MYO3B: variants seen among roughly 807,000 people sequenced by gnomAD.
The protein encoded by MYO3B is myosin-IIIb.
A neutral mutation model predicts 174.6 loss-of-function variants in MYO3B; 156 were observed. The observed-to-expected ratio is 0.89, with a 90% CI of 0.78 to 1.02. MYO3B has a LOEUF of 1.02. Among genes scored for constraint, MYO3B ranks in the 50% least tolerant of loss-of-function variants. MYO3B has a pLI of 0.00. For synonymous variants in MYO3B, 563 were observed against 569.1 expected, an observed-to-expected ratio of 0.99 and a Z score of 0.15; for missense variants, 1,632 against 1,639.4, an observed-to-expected ratio of 1.00 and a Z score of 0.08.
intron 22 of MYO3B, among the ~76,000 whole-genome samples, chr2:170,421,762 T>A (rs1274189667): frequency 6.6e-6 from 1 of 152,202 alleles, no homozygotes; most frequent in African/African-American, 2.4e-5. Flanking sequence ...TTGTAAAGCT[T>A]ATTGAGGGGA....
chr2:170,202,072 T>C lies in MYO3B; in HGVS notation c.321+1788T>C, dbSNP rs367968610. Reference sequence around the variant, plus strand: ...AATGAACATCCTTCCTGATGAGGAGTGACCCTCAGACATGGCAACTCAGGT... The same window carrying C: ...AATGAACATCCTTCCTGATGAGGAGCGACCCTCAGACATGGCAACTCAGGT... On this transcript the variant is annotated intron_variant, in intron 3 of 34. Transcript: ENST00000408978. Among the ~76,000 whole-genome samples, 79 of 151,880 alleles carry C rather than the reference T, an allele frequency of 5.2e-4. 1 individual carries two copies. In the South Asian group the frequency reaches 7.1e-3, roughly 14 times the overall value.
intron 32 of MYO3B, among the ~76,000 whole-genome samples, chr2:170,630,121 G>T (rs1472655333): frequency 6.6e-6 from 1 of 152,234 alleles, no homozygotes. Flanking sequence ...CACCTGAGAA[G>T]CACAAGGGAT....
chr2:170,441,307 T>C (rs1162476015), intron 22 of MYO3B, among the ~76,000 whole-genome samples: 1 of 152,218 alleles, frequency 6.6e-6, no homozygotes, highest in Non-Finnish European at 1.5e-5. Flanking sequence ...TACTATAATA[T>C]TTTGAATGGA....
At position 170,379,340 on chromosome 2, in the gene MYO3B, G is replaced by A. The variant is rs191631816; in HGVS notation, c.972-2676G>A. Among the ~76,000 whole-genome samples the A allele has an allele frequency of 3.8e-3, 573 of 152,060 alleles. 6 individuals carry two copies. Among genetic ancestry groups the A allele is most frequent in the African/African-American group, 0.013 (527 of 41,480 alleles). ...CTCCTGAGTAGCTGGGGCTACAGGC[G>A]TGCACCACCACGCCTAGCTAATTTT... On this transcript the variant is annotated intron_variant, in intron 9 of 34. Coordinates refer to ENST00000408978, the MANE Select transcript of MYO3B (RefSeq NM_138995.5).
rs549802795 is a variant in MYO3B, at chr2:170,391,016, A to C, written c.1578-504A>C. ...AAAGAGGTGGATGGCAGGAGACCAG[A>C]CTAATGAATGACATTTTGAGTAGTA... On this transcript the variant is annotated intron_variant, in intron 14 of 34. Coordinates refer to ENST00000408978, the MANE Select transcript of MYO3B (RefSeq NM_138995.5). Among the ~76,000 whole-genome samples the C allele has an allele frequency of 2.6e-5, 4 of 152,240 alleles. No homozygotes were observed. In the South Asian group the frequency reaches 6.2e-4, roughly 24 times the overall value.
At chr2:170,345,907 A>T (rs2094012129) in intron 8 of MYO3B, among the ~76,000 whole-genome samples, 1 of 151,778 alleles carries the variant, frequency 6.6e-6, no homozygotes, top group Non-Finnish European at 1.5e-5. Flanking sequence ...TAGGAGAGGG[A>T]CCTGGAACAG....
At chr2:170,622,144 C>G (rs1240050283) in intron 32 of MYO3B, among the ~76,000 whole-genome samples, 1 of 152,152 alleles carries the variant, frequency 6.6e-6, no homozygotes, top group Non-Finnish European at 1.5e-5. Context: ...GAAAAATGCT[C>G]AAGTTTCAAC....
At chr2:170,417,626 C>G (rs1422270350) in intron 22 of MYO3B, among the ~76,000 whole-genome samples, 1 of 152,132 alleles carries the variant, frequency 6.6e-6, no homozygotes, top group Non-Finnish European at 1.5e-5. Context: ...AGCGTTTGTT[C>G]CAGGCCTCTC....
chr2:170,463,541 C>A, intron 24 of MYO3B, 96 bp downstream of exon 24: 3 of 1,057,412 alleles, frequency 2.8e-6, no homozygotes, highest in Admixed American at 2.1e-5. Flanking sequence ...GAAACAAGGG[C>A]AAAGCACAGA....
chr2:170,381,038 T>A (rs981531426), intron 9 of MYO3B, among the ~76,000 whole-genome samples: 3 of 152,188 alleles, frequency 2.0e-5, no homozygotes, highest in Non-Finnish European at 4.4e-5. Context: ...GGAGGGTTGC[T>A]TGAGCCCAAG....
Position 170,387,049 on chromosome 2 carries a change from A to G in MYO3B, c.1375-57A>G, listed in dbSNP as rs1039672208. 7.0e-6 allele frequency: 11 copies of G among 1,577,132 alleles called. No homozygotes were observed. The African/African-American group carries it at 8.1e-5, about 12-fold the overall frequency. ...GGTGGGCAAGGGATGGTGCCTGGCA[A>G]CTTTGCTGGTGTAATGTTTCTGGAG... On this transcript the variant is annotated intron_variant, in intron 13 of 34. Coordinates refer to ENST00000408978, the MANE Select transcript of MYO3B (RefSeq NM_138995.5).
At chr2:170,418,444 A>C (rs1254706929) in intron 22 of MYO3B, among the ~76,000 whole-genome samples, 2 of 152,216 alleles carry the variant, frequency 1.3e-5, no homozygotes, top group Non-Finnish European at 2.9e-5. Flanking sequence ...GAATCTGGAG[A>C]AGTGTGATTT....
chr2:170,197,850 G>A (rs769296722), intron 1 of MYO3B, among the ~76,000 whole-genome samples: 5 of 152,084 alleles, frequency 3.3e-5, no homozygotes, highest in Admixed American at 6.6e-5. Context: ...TTGAAAGAAG[G>A]GTAGATGGTG....
intron 32 of MYO3B, among the ~76,000 whole-genome samples, chr2:170,558,512 C>T (rs537183957): frequency 3.5e-4 from 53 of 152,214 alleles, no homozygotes; most frequent in Non-Finnish European, 7.1e-4. Flanking sequence ...TTAATTTTGC[C>T]TGTTTTTAAA....
At chr2:170,203,914 T>C (rs2092690063) in intron 3 of MYO3B, among the ~76,000 whole-genome samples, 1 of 152,106 alleles carries the variant, frequency 6.6e-6, no homozygotes, top group Non-Finnish European at 1.5e-5. Context: ...AAACATATAC[T>C]ATATGTGTTC....
At chr2:170,281,891 C>T (rs990873399) in intron 7 of MYO3B, among the ~76,000 whole-genome samples, 1 of 152,156 alleles carries the variant, frequency 6.6e-6, no homozygotes, top group Non-Finnish European at 1.5e-5. Flanking sequence ...AATGTTACCA[C>T]TGACCCCACA....
intron 7 of MYO3B, among the ~76,000 whole-genome samples, chr2:170,271,221 G>A (rs1386438689): frequency 6.6e-6 from 1 of 152,130 alleles, no homozygotes; most frequent in South Asian, 2.1e-4. Context: ...GGGGCACAGG[G>A]AATGTTAAAG....
chr2:170,648,976 AAATAATATATAATGTATAATATATAAAAT>A (rs1698650179), intron 32 of MYO3B, among the ~76,000 whole-genome samples: 4 of 74,564 alleles, frequency 5.4e-5, no homozygotes, highest in African/African-American at 9.9e-5. Flanking sequence ...ATAATATATA[AAATAATATATAATGTATAATATATAAAAT>A]AATATATAAT....
intron 25 of MYO3B, among the ~76,000 whole-genome samples, chr2:170,473,882 G>T (rs1161490496): frequency 6.6e-6 from 1 of 152,152 alleles, no homozygotes; most frequent in Non-Finnish European, 1.5e-5. Flanking sequence ...ACCACTTGGA[G>T]CTTCCTAACA....
Sources: gnomAD v4.1 joint callset for allele counts (sites outside exome capture counted in the v4.1 genomes callset) on GRCh38, gnomAD v4.1.1 for gene constraint, MANE v1.5 for transcripts, NCBI Gene and HGNC (gene_info 2026-07-23, HGNC 2026-07-21) for gene names.